Variants in SH3PXD2A observed in about 807,000 individuals in gnomAD.
SH3PXD2A encodes SH3 and PX domain-containing protein 2A.
A neutral mutation model predicts 115.2 loss-of-function variants in SH3PXD2A; 32 were observed. The observed-to-expected ratio is 0.28, with a 90% confidence interval of 0.21 to 0.37. SH3PXD2A has a LOEUF of 0.37. Among genes scored for constraint, SH3PXD2A ranks in the 10% least tolerant of loss-of-function variants. The pLI, the probability that SH3PXD2A is intolerant of heterozygous loss-of-function variation, is 1.00. For synonymous variants in SH3PXD2A, 610 were observed against 629.1 expected, an observed-to-expected ratio of 0.97 and a Z score of 0.45; for missense variants, 1,328 against 1,498.7, an observed-to-expected ratio of 0.89 and a Z score of 1.88.
intron 6 of SH3PXD2A, among the ~76,000 whole-genome samples, chr10:103,692,525 A>C (rs1228785684): frequency 6.6e-6 from 1 of 151,724 alleles, no homozygotes; most frequent in Non-Finnish European, 1.5e-5. Flanking sequence ...GGCGCTAAAA[A>C]CTCAAGTCAC....
chr10:103,817,574 C>T (rs576459331), intron 1 of SH3PXD2A, among the ~76,000 whole-genome samples: 1 of 152,074 alleles, frequency 6.6e-6, no homozygotes, highest in African/African-American at 2.4e-5. Context: ...CTCCTGGCCT[C>T]ATGTGATCTG....
At chr10:103,663,575 A>T (rs1391861028) in intron 7 of SH3PXD2A, among the ~76,000 whole-genome samples, 1 of 152,252 alleles carries the variant, frequency 6.6e-6, no homozygotes, top group Non-Finnish European at 1.5e-5. Context: ...GGCTCCAGAG[A>T]GACAGGTTTC....
chr10:103,748,688 G>GC (rs1434993232), intron 3 of SH3PXD2A, among the ~76,000 whole-genome samples: 4 of 152,226 alleles, frequency 2.6e-5, no homozygotes, highest in Non-Finnish European at 5.9e-5. Context: ...CTGAGCAGAG[G>GC]CCCAGAGACT....
chr10:103,705,430 A>C (rs549099057), intron 5 of SH3PXD2A, among the ~76,000 whole-genome samples: 33 of 152,338 alleles, frequency 2.2e-4, no homozygotes, highest in South Asian at 6.2e-4. Context: ...TGACAAGAGC[A>C]CTACATTTGT....
At chr10:103,641,106 G>C (rs1564851687) in intron 8 of SH3PXD2A, among the ~76,000 whole-genome samples, 1 of 152,228 alleles carries the variant, frequency 6.6e-6, no homozygotes, top group Non-Finnish European at 1.5e-5. Flanking sequence ...AAAGAGGTCT[G>C]AACAGATGGT....
chr10:103,744,539 C>T (rs2038479731), intron 3 of SH3PXD2A, among the ~76,000 whole-genome samples: 1 of 152,184 alleles, frequency 6.6e-6, no homozygotes, highest in African/African-American at 2.4e-5. Context: ...CACCTCTTCC[C>T]CTGCTGGGCT....
chr10:103,808,007 A>G (rs909613721), intron 1 of SH3PXD2A, among the ~76,000 whole-genome samples: 1 of 152,064 alleles, frequency 6.6e-6, no homozygotes, highest in Admixed American at 6.5e-5. Context: ...CTTCTGTTCA[A>G]AGTGCCCCCA....
At chr10:103,664,197 C>T (rs142957861) in intron 7 of SH3PXD2A, among the ~76,000 whole-genome samples, 1 of 152,346 alleles carries the variant, frequency 6.6e-6, no homozygotes, top group East Asian at 1.9e-4. Context: ...GAAATGGGGC[C>T]TCCTTTCCCA....
intron 8 of SH3PXD2A, among the ~76,000 whole-genome samples, chr10:103,637,494 G>A (rs2036884943): frequency 6.6e-6 from 1 of 152,140 alleles, no homozygotes; most frequent in Non-Finnish European, 1.5e-5. Context: ...AAAAGAGGAA[G>A]ACAGGCCCTG....
intron 14 of SH3PXD2A, among the ~76,000 whole-genome samples, 182 bp from the exon 15 acceptor site, chr10:103,603,971 C>T (rs998904770): frequency 1.3e-5 from 2 of 152,128 alleles, no homozygotes; most frequent in African/African-American, 2.4e-5. Flanking sequence ...GAATTCAAAC[C>T]TAGGTCTCTA....
chr10:103,762,503 C>G (rs2134219112), intron 3 of SH3PXD2A, among the ~76,000 whole-genome samples: 1 of 152,328 alleles, frequency 6.6e-6, no homozygotes, highest in Middle Eastern at 3.4e-3. Context: ...CTTTCCTTCC[C>G]TCTACCCCTT....
At chr10:103,837,197 C>A (rs2039553367) in intron 1 of SH3PXD2A, among the ~76,000 whole-genome samples, 1 of 152,192 alleles carries the variant, frequency 6.6e-6, no homozygotes, top group East Asian at 1.9e-4. Flanking sequence ...CTCTTATTAT[C>A]AAGAAGACCT....
chr10:103,639,623 A>G (rs1158504471), intron 8 of SH3PXD2A, among the ~76,000 whole-genome samples: 6 of 90,640 alleles, frequency 6.6e-5, no homozygotes, highest in African/African-American at 1.3e-4. Context: ...AAAAAAAAAA[A>G]AAAGAAAAAG....
intron 1 of SH3PXD2A, among the ~76,000 whole-genome samples, chr10:103,846,547 A>G (rs867578858): frequency 5.9e-5 from 9 of 152,236 alleles, no homozygotes; most frequent in African/African-American, 1.9e-4. Flanking sequence ...TAGATAATTA[A>G]GAACCCAGAC....
chr10:103,680,408 A>G (rs1266062448), intron 6 of SH3PXD2A, among the ~76,000 whole-genome samples: 1 of 152,024 alleles, frequency 6.6e-6, no homozygotes, highest in Non-Finnish European at 1.5e-5. Flanking sequence ...CCTCCCGAGT[A>G]GCTGAAACCA....
At chr10:103,625,299 T>C (rs1290393500) in intron 9 of SH3PXD2A, among the ~76,000 whole-genome samples, 3 of 152,252 alleles carry the variant, frequency 2.0e-5, no homozygotes, top group Non-Finnish European at 4.4e-5. Flanking sequence ...TGCAGCCTTT[T>C]CAACTGGGGC....
At chr10:103,622,691 A>G in intron 9 of SH3PXD2A, 138 bp from the exon 10 acceptor site, 2 of 652,322 alleles carry the variant, frequency 3.1e-6, no homozygotes, top group South Asian at 3.6e-5. Flanking sequence ...CATCACCTGG[A>G]CTGAACCAAA....
At chr10:103,825,391 G>A (rs1447761801) in intron 1 of SH3PXD2A, among the ~76,000 whole-genome samples, 1 of 152,180 alleles carries the variant, frequency 6.6e-6, no homozygotes, top group Non-Finnish European at 1.5e-5. Flanking sequence ...GGAGGGAAAG[G>A]GGAGTTATTA....
intron 8 of SH3PXD2A, among the ~76,000 whole-genome samples, chr10:103,638,236 T>C (rs2036896054): frequency 6.6e-6 from 1 of 152,190 alleles, no homozygotes; most frequent in Non-Finnish European, 1.5e-5. Flanking sequence ...GAACCTCCCC[T>C]GGGCACCTGG....
Sources: allele counts gnomAD v4.1 joint callset (sites outside exome capture counted in the v4.1 genomes callset), GRCh38; gene constraint gnomAD v4.1.1; transcripts MANE v1.5; gene names NCBI Gene and HGNC (gene_info 2026-07-23, HGNC 2026-07-21).